Variants in ZBTB7C observed in about 807,000 individuals in gnomAD.
ZBTB7C encodes the protein zinc finger and BTB domain containing 7C, also known as zinc finger and BTB domain-containing protein 7C.
ZBTB7C carries 8 observed loss-of-function variants against 25.7 expected under a neutral mutation model. That is an observed-to-expected ratio of 0.31 (90% CI 0.18 to 0.56). The LOEUF (loss-of-function observed/expected upper bound fraction) is 0.56, where lower values mean the gene tolerates loss of function less well. Among genes scored for constraint, ZBTB7C ranks in the 20% least tolerant of loss-of-function variants. The pLI is 0.91. For missense variants in ZBTB7C, 824 were observed against 855.2 expected, an observed-to-expected ratio of 0.96 and a Z score of 0.46; for synonymous variants, 394 against 369.0, an observed-to-expected ratio of 1.07 and a Z score of -0.78.
chr18:48,405,111 C>T (rs2048248886), intron 1 of ZBTB7C, among the ~76,000 whole-genome samples: 1 of 151,880 alleles, frequency 6.6e-6, no homozygotes, highest in Admixed American at 6.6e-5. Flanking sequence ...CCCCACCCCA[C>T]CCCCATTCCT....
chr18:48,387,848 T>A (rs76793959), intron 1 of ZBTB7C, among the ~76,000 whole-genome samples: 1 of 141,850 alleles, frequency 7.0e-6, no homozygotes, highest in Admixed American at 7.5e-5. Context: ...TGTTGTTGTT[T>A]GTTTGTTTGT....
At chr18:48,343,332 T>C (rs1348482020) in intron 1 of ZBTB7C, among the ~76,000 whole-genome samples, 1 of 152,186 alleles carries the variant, frequency 6.6e-6, no homozygotes, top group Non-Finnish European at 1.5e-5. Context: ...TGCCCTGTGT[T>C]TGTCCCCACC....
At chr18:48,215,622 A>C (rs544065354) in intron 2 of ZBTB7C, among the ~76,000 whole-genome samples, 4 of 152,330 alleles carry the variant, frequency 2.6e-5, no homozygotes, top group Admixed American at 1.3e-4. Flanking sequence ...AGGGGCTGTC[A>C]AGACTAAAGT....
chr18:48,381,304 C>A (rs1215091363), intron 1 of ZBTB7C, among the ~76,000 whole-genome samples: 2 of 152,160 alleles, frequency 1.3e-5, no homozygotes, highest in African/African-American at 4.8e-5. Flanking sequence ...GATAGCTATG[C>A]ACCAGGCACA....
upstream of ZBTB7C, chr18:48,409,478 T>C (rs2048357732): frequency 7.0e-6 from 1 of 143,470 alleles, no homozygotes; most frequent in Non-Finnish European, 1.5e-5. Context: ...GCCGCGGCTG[T>C]CAGCCCCGCG....
intron 2 of ZBTB7C, among the ~76,000 whole-genome samples, chr18:48,214,724 C>T (rs1381342588): frequency 6.6e-6 from 1 of 152,238 alleles, no homozygotes; most frequent in African/African-American, 2.4e-5. Context: ...CCAAGAACCC[C>T]AATTTTGGGG....
intron 1 of ZBTB7C, chr18:48,346,526 A>G (rs548603109): frequency 6.6e-6 from 1 of 152,412 alleles, no homozygotes; most frequent in South Asian, 2.1e-4. Context: ...GGCTTTAGCC[A>G]TTTTTGCTAA....
chr18:48,096,756 G>A, intron 3 of ZBTB7C, among the ~76,000 whole-genome samples: 1 of 152,176 alleles, frequency 6.6e-6, no homozygotes, highest in East Asian at 1.9e-4. Context: ...TGAAAGAAAT[G>A]GTGAAGAGAG....
chr18:48,273,577 GA>G (rs2044553567), intron 2 of ZBTB7C, among the ~76,000 whole-genome samples: 1 of 152,054 alleles, frequency 6.6e-6, no homozygotes, highest in South Asian at 2.1e-4. Context: ...TATTTTAGAA[GA>G]AAGGGAAGAT....
intron 2 of ZBTB7C, among the ~76,000 whole-genome samples, chr18:48,322,556 C>T (rs1008980428): frequency 1.8e-4 from 27 of 152,122 alleles, no homozygotes; most frequent in African/African-American, 5.3e-4. Flanking sequence ...CAGATGTTGG[C>T]GTGGATGCGA....
At chr18:48,130,841 CCCTT>C (rs1391612617) in intron 3 of ZBTB7C, among the ~76,000 whole-genome samples, 1 of 152,196 alleles carries the variant, frequency 6.6e-6, no homozygotes, top group Non-Finnish European at 1.5e-5. Flanking sequence ...CCGGTGGCCT[CCCTT>C]GAGATTCAAC....
chr18:48,129,911 G>A (rs1471088399), intron 3 of ZBTB7C, among the ~76,000 whole-genome samples: 2 of 152,096 alleles, frequency 1.3e-5, no homozygotes, highest in Admixed American at 6.5e-5. Flanking sequence ...CGAATAAACC[G>A]GCCCTCCCTT....
chr18:48,179,721 C>T (rs898592630), intron 3 of ZBTB7C, among the ~76,000 whole-genome samples: 2 of 140,490 alleles, frequency 1.4e-5, no homozygotes, highest in African/African-American at 5.4e-5. Flanking sequence ...GGAAGATATC[C>T]CTCCCTCCCT....
intron 2 of ZBTB7C, among the ~76,000 whole-genome samples, chr18:48,193,731 C>G (rs1056757028): frequency 6.6e-6 from 1 of 152,222 alleles, no homozygotes; most frequent in Non-Finnish European, 1.5e-5. Context: ...CCAGGATCCA[C>G]TGAAACAAGG....
At chr18:48,234,664 A>G (rs1358364587) in intron 2 of ZBTB7C, among the ~76,000 whole-genome samples, 1 of 152,224 alleles carries the variant, frequency 6.6e-6, no homozygotes, top group Non-Finnish European at 1.5e-5. Flanking sequence ...TGTGTGCTTG[A>G]GAAGAATATG....
intron 2 of ZBTB7C, among the ~76,000 whole-genome samples, chr18:48,197,363 C>T (rs1407171186): frequency 6.6e-6 from 1 of 152,148 alleles, no homozygotes; most frequent in Non-Finnish European, 1.5e-5. Flanking sequence ...CATGGTTTTA[C>T]AAAATCAAAA....
intron 1 of ZBTB7C, among the ~76,000 whole-genome samples, chr18:48,373,857 G>A (rs919872213): frequency 5.9e-5 from 9 of 151,994 alleles, no homozygotes; most frequent in African/African-American, 2.2e-4. Context: ...GCTACTCGGG[G>A]GGCTAAGGAA....
At chr18:48,373,691 A>AGTGG (rs1568408670) in intron 1 of ZBTB7C, among the ~76,000 whole-genome samples, 1 of 152,168 alleles carries the variant, frequency 6.6e-6, no homozygotes, top group East Asian at 1.9e-4. Flanking sequence ...GCCGGGCACT[A>AGTGG]TGGCTCACGC....
intron 2 of ZBTB7C, among the ~76,000 whole-genome samples, chr18:48,246,423 C>G (rs1365297243): frequency 6.6e-6 from 1 of 150,582 alleles, no homozygotes; most frequent in African/African-American, 2.4e-5. Flanking sequence ...GAGCGAGACT[C>G]TGTCTCAAAA....
Sources: allele counts gnomAD v4.1 joint callset (sites outside exome capture counted in the v4.1 genomes callset), GRCh38; gene constraint gnomAD v4.1.1; transcripts MANE v1.5; gene names NCBI Gene and HGNC (gene_info 2026-07-23, HGNC 2026-07-21).